The following DPYD variants were observed in gnomAD, a reference collection of about 807,000 sequenced individuals.
DPYD encodes the protein dihydropyrimidine dehydrogenase, also known as dihydropyrimidine dehydrogenase [NADP(+)].
In DPYD, 109 loss-of-function variants were observed where a neutral mutation model predicts 116.2. The observed-to-expected ratio is 0.94, with a 90% CI of 0.80 to 1.10. The LOEUF is 1.10. Ranked by LOEUF, DPYD falls within the 50% of genes least tolerant of loss-of-function variation. The pLI, the probability that DPYD is intolerant of heterozygous loss-of-function variation, is 0.00. For synonymous variants in DPYD, 440 were observed against 432.0 expected (o/e 1.02, Z -0.23); for missense variants, 1,302 against 1,254.5 (o/e 1.04, Z -0.57).
chr1:97,178,210 T>C (rs1657421746), intron 20 of DPYD, among the ~76,000 whole-genome samples: 1 of 152,106 alleles, frequency 6.6e-6, no homozygotes. Flanking sequence ...AGTGGAGTGA[T>C]ATAATGGGAA....
At chr1:97,332,549 C>G (rs1345246911) in intron 16 of DPYD, among the ~76,000 whole-genome samples, 1 of 152,118 alleles carries the variant, frequency 6.6e-6, no homozygotes, top group Non-Finnish European at 1.5e-5. Flanking sequence ...CTGCTCCAAG[C>G]CAAGTACTCT....
chr1:97,682,815 A>G (rs1327998080), intron 7 of DPYD, among the ~76,000 whole-genome samples: 3 of 152,126 alleles, frequency 2.0e-5, no homozygotes, highest in East Asian at 3.9e-4. Context: ...TCCTCTAATG[A>G]CTTTAGTAAC....
intron 20 of DPYD, among the ~76,000 whole-genome samples, chr1:97,102,468 T>TATCTATCTATCTATCC (rs1254545835): frequency 9.7e-6 from 1 of 103,098 alleles, no homozygotes; most frequent in African/African-American, 3.7e-5. Context: ...ATTATCTATC[T>TATCTATCTATCTATCC]ATCTATCTAT....
At chr1:97,825,771 TA>T (rs397940082) in intron 3 of DPYD, among the ~76,000 whole-genome samples, 22 of 144,356 alleles carry the variant, frequency 1.5e-4, no homozygotes, top group Admixed American at 2.8e-4. Flanking sequence ...TAAAGTATAA[TA>T]AAAAAAAAAG....
At chr1:97,278,187 T>C (rs1276157046) in intron 18 of DPYD, among the ~76,000 whole-genome samples, 1 of 152,214 alleles carries the variant, frequency 6.6e-6, no homozygotes, top group Non-Finnish European at 1.5e-5. Context: ...AAAATGTTTC[T>C]TTCTGTCTTG....
At chr1:97,394,289 TA>T in intron 14 of DPYD, 1 of 152,256 alleles carries the variant, frequency 6.6e-6, no homozygotes, top group African/African-American at 2.4e-5. Context: ...AGAAGCTCTT[TA>T]GTTTAATTAG....
intron 16 of DPYD, among the ~76,000 whole-genome samples, chr1:97,350,422 A>T (rs1670081176): frequency 6.6e-6 from 1 of 152,140 alleles, no homozygotes; most frequent in Non-Finnish European, 1.5e-5. Flanking sequence ...TTTATAATGG[A>T]ATGTGGGTTG....
intron 3 of DPYD, among the ~76,000 whole-genome samples, chr1:97,813,885 T>C (rs1480984404): frequency 1.3e-5 from 2 of 150,052 alleles, no homozygotes; most frequent in African/African-American, 4.9e-5. Context: ...CAAAGTACTT[T>C]TATCCCATGG....
chr1:97,525,789 A>AGAGAGAGAGAGAGAGC (rs1431555133), intron 12 of DPYD, among the ~76,000 whole-genome samples: 17 of 142,608 alleles, frequency 1.2e-4, no homozygotes, highest in African/African-American at 4.6e-4. Flanking sequence ...AGAGAGAGAG[A>AGAGAGAGAGAGAGAGC]GTGTGTGTGT....
At chr1:97,502,858 T>A (rs1679667731) in intron 13 of DPYD, among the ~76,000 whole-genome samples, 1 of 152,146 alleles carries the variant, frequency 6.6e-6, no homozygotes, top group Middle Eastern at 3.4e-3. Flanking sequence ...TTAAAAAAAA[T>A]TCAATCTAAG....
intron 3 of DPYD, among the ~76,000 whole-genome samples, chr1:97,806,109 C>T (rs1366488776): frequency 6.6e-6 from 1 of 151,834 alleles, no homozygotes; most frequent in Non-Finnish European, 1.5e-5. Flanking sequence ...ATTTATAGAA[C>T]ACTAAATCCA....
intron 18 of DPYD, among the ~76,000 whole-genome samples, chr1:97,282,662 T>C (rs892205619): frequency 5.9e-5 from 9 of 152,204 alleles, no homozygotes; most frequent in Admixed American, 3.3e-4. Flanking sequence ...GTTTGGTGTA[T>C]AGAGAATTTT....
intron 20 of DPYD, among the ~76,000 whole-genome samples, chr1:97,107,037 C>A (rs991734744): frequency 1.3e-5 from 2 of 151,974 alleles, no homozygotes; most frequent in Non-Finnish European, 1.5e-5. Context: ...AACAGAGAAC[C>A]AACACTGACT....
chr1:97,743,225 C>A (rs972320456), intron 3 of DPYD, among the ~76,000 whole-genome samples: 6 of 152,096 alleles, frequency 3.9e-5, no homozygotes, highest in Admixed American at 3.3e-4. Context: ...TGAGGCAGGG[C>A]CACGCAAACC....
intron 18 of DPYD, among the ~76,000 whole-genome samples, chr1:97,239,376 A>G (rs1662166024): frequency 6.6e-6 from 1 of 152,162 alleles, no homozygotes; most frequent in South Asian, 2.1e-4. Context: ...ATATTGATAT[A>G]TGTGTATTAA....
At chr1:97,318,219 C>T (rs537240729) in intron 16 of DPYD, among the ~76,000 whole-genome samples, 3 of 143,404 alleles carry the variant, frequency 2.1e-5, no homozygotes, top group African/African-American at 5.1e-5. Flanking sequence ...GGATCAAATT[C>T]ACACATAACA....
intron 2 of DPYD, among the ~76,000 whole-genome samples, chr1:97,872,711 A>G (rs1671721146): frequency 1.3e-5 from 2 of 151,952 alleles, no homozygotes; most frequent in Admixed American, 1.3e-4. Context: ...TGCCTTTTTA[A>G]CATATAACAT....
At chr1:97,410,839 T>C (rs1179148180) in intron 14 of DPYD, among the ~76,000 whole-genome samples, 1 of 152,180 alleles carries the variant, frequency 6.6e-6, no homozygotes, top group Non-Finnish European at 1.5e-5. Flanking sequence ...CTAGTTTACA[T>C]TGCTTGAGCA....
At chr1:97,163,194 G>A (rs1239703366) in intron 20 of DPYD, among the ~76,000 whole-genome samples, 1 of 151,992 alleles carries the variant, frequency 6.6e-6, no homozygotes, top group Non-Finnish European at 1.5e-5. Context: ...GTAAACAGGC[G>A]ACCTACAAAA....
Sources: gnomAD v4.1 joint callset for allele counts (sites outside exome capture counted in the v4.1 genomes callset) on GRCh38, gnomAD v4.1.1 for gene constraint, MANE v1.5 for transcripts, NCBI Gene and HGNC (gene_info 2026-07-23, HGNC 2026-07-21) for gene names.